Variants in PARD3 observed in about 807,000 individuals in gnomAD.
PARD3 encodes the protein partitioning defective 3 homolog.
Under a neutral mutation model 155.4 loss-of-function variants are expected in PARD3, and 75 were observed. The observed-to-expected ratio is 0.48, with a 90% confidence interval of 0.40 to 0.58. PARD3 has a LOEUF of 0.58. PARD3 is among the 20% of genes least tolerant of loss of function. PARD3 has a pLI of 0.00. For synonymous variants in PARD3, 576 were observed against 610.5 expected (o/e 0.94, Z 0.83); for missense variants, 1,642 against 1,721.7 (o/e 0.95, Z 0.82).
intron 1 of PARD3, among the ~76,000 whole-genome samples, chr10:34,806,865 G>C (rs570025997): frequency 6.6e-6 from 1 of 152,292 alleles, no homozygotes; most frequent in East Asian, 1.9e-4. Flanking sequence ...CACAGCTCAG[G>C]GAACTGGCAG....
chr10:34,800,302 T>G (rs1023002036), intron 1 of PARD3, among the ~76,000 whole-genome samples: 1 of 152,158 alleles, frequency 6.6e-6, no homozygotes, highest in African/African-American at 2.4e-5. Flanking sequence ...TGCTTACCAT[T>G]ACTCTTGATA....
chr10:34,511,300 G>T (rs1589827860), intron 3 of PARD3, among the ~76,000 whole-genome samples: 4 of 152,108 alleles, frequency 2.6e-5, no homozygotes, highest in African/African-American at 9.7e-5. Context: ...TTTTCATCAG[G>T]AGGCATACAA....
At position 34,284,167 on chromosome 10, in the gene PARD3, C is replaced by G; in HGVS notation, c.3144G>C (p.Glu1048Asp). Residue 1048 changes from glutamate (E) to aspartate (D), a missense_variant, in exon 21 of 25, where the codon GAG becomes GAC. This residue lies in a region of PARD3 where 1,529 missense variants were observed against 1,587.3 expected (regional missense o/e 0.96). Coordinates refer to ENST00000374788, the MANE Select transcript of PARD3 (RefSeq NM_001184785.2). ...GCTCCTGCTTCATTCGTATCCTCTC[C>G]TCTTCTGATGTAAAGGATTCCTGTA... ...IKIQESFTSE[E>D]ERIRMKQEQE... The G allele has an allele frequency of 1.2e-6, 2 of 1,605,986 alleles. No homozygotes were observed. The highest frequency in any genetic ancestry group is 1.7e-6 in the Non-Finnish European group (2 of 1,175,852).
At chr10:34,151,275 T>C (rs1020468183) in intron 22 of PARD3, among the ~76,000 whole-genome samples, 1 of 152,098 alleles carries the variant, frequency 6.6e-6, no homozygotes, top group African/African-American at 2.4e-5. Context: ...CCAAGAAACG[T>C]AGTCTGATTA....
intron 9 of PARD3, 64 bp from the exon 10 acceptor site, chr10:34,378,170 G>A (rs1841443933): frequency 2.5e-6 from 3 of 1,198,416 alleles, no homozygotes; most frequent in South Asian, 2.8e-5. Context: ...CAGGTGTATT[G>A]CACCAGTATA....
At chr10:34,321,922 C>T (rs1958403066) in intron 19 of PARD3, among the ~76,000 whole-genome samples, 1 of 152,142 alleles carries the variant, frequency 6.6e-6, no homozygotes, top group African/African-American at 2.4e-5. Flanking sequence ...ATTTTACAGT[C>T]AAGGTTGACT....
chr10:34,125,180 C>T (rs1392138462), intron 23 of PARD3, among the ~76,000 whole-genome samples: 1 of 151,752 alleles, frequency 6.6e-6, no homozygotes, highest in Non-Finnish European at 1.5e-5. Flanking sequence ...GATTCTCCTG[C>T]CTCAGCCTCC....
chr10:34,608,708 A>T (rs1422627557), intron 2 of PARD3, among the ~76,000 whole-genome samples: 1 of 151,808 alleles, frequency 6.6e-6, no homozygotes, highest in African/African-American at 2.4e-5. Context: ...CTAATTTTGT[A>T]TTTTTAGTAG....
intron 1 of PARD3, among the ~76,000 whole-genome samples, chr10:34,715,659 G>A (rs1373313596): frequency 6.6e-6 from 1 of 152,172 alleles, no homozygotes; most frequent in Admixed American, 6.5e-5. Context: ...TCTTGAAGAT[G>A]TGCATGTTTT....
chr10:34,408,325 T>C (rs1173776376), intron 5 of PARD3, among the ~76,000 whole-genome samples: 1 of 152,150 alleles, frequency 6.6e-6, no homozygotes. Flanking sequence ...AGTTCAAATA[T>C]ATTGCTAAAA....
Position 34,111,102 on chromosome 10 carries a change from C to A in PARD3, c.*67G>T. 1 of 1,494,670 alleles carries A rather than the reference C, an allele frequency of 6.7e-7. No individual in the cohort carries two copies. The highest frequency in any genetic ancestry group is 1.4e-5 in the South Asian group (1 of 70,658). 92.6% of individuals were successfully genotyped at this position (1,494,670 alleles called of 1,614,324 possible). A position where few individuals can be genotyped will look rare whatever the true frequency, so the allele number is the denominator to read the frequency against. On this transcript the variant is annotated 3_prime_UTR_variant, in exon 25 of 25. Transcript: ENST00000374788. Reference sequence around the variant, plus strand: ...ACCATCGAGGTTTTAAAAAAACTCCCAAAATACAAGTCTTCATAGGAAAAT... The same window carrying A: ...ACCATCGAGGTTTTAAAAAAACTCCAAAAATACAAGTCTTCATAGGAAAAT...
intron 2 of PARD3, among the ~76,000 whole-genome samples, chr10:34,549,505 GTTTT>G (rs1339174124): frequency 1.2e-4 from 18 of 152,190 alleles, no homozygotes; most frequent in Non-Finnish European, 2.1e-4. Context: ...TTGTTTGTTT[GTTTT>G]GGCTGCTGAT....
intron 3 of PARD3, among the ~76,000 whole-genome samples, chr10:34,509,366 T>C (rs1169359914): frequency 6.6e-6 from 1 of 152,156 alleles, no homozygotes; most frequent in Non-Finnish European, 1.5e-5. Flanking sequence ...CAAGGTGTAA[T>C]GTGGTTTCTT....
chr10:34,761,686 T>A (rs2134019654), intron 1 of PARD3, among the ~76,000 whole-genome samples: 1 of 152,282 alleles, frequency 6.6e-6, no homozygotes, highest in African/African-American at 2.4e-5. Flanking sequence ...CCCTGGAGAA[T>A]CAATGTTAAG....
chr10:34,547,507 A>G (rs958078511), intron 2 of PARD3, among the ~76,000 whole-genome samples: 1 of 152,220 alleles, frequency 6.6e-6, no homozygotes, highest in Non-Finnish European at 1.5e-5. Flanking sequence ...GAACTCGTCG[A>G]GATTTATTAC....
intron 7 of PARD3, among the ~76,000 whole-genome samples, chr10:34,396,467 T>C (rs1696940891): frequency 6.6e-6 from 1 of 152,218 alleles, no homozygotes; most frequent in Admixed American, 6.5e-5. Flanking sequence ...CTTACATTAC[T>C]ATTTTCCTTA....
Position 34,111,187 on chromosome 10 carries a change from C to T in PARD3, c.4044G>A (p.Gly1348=). 1 of 1,557,512 alleles carries T rather than the reference C, an allele frequency of 6.4e-7. No individual in the cohort carries two copies. The highest frequency in any genetic ancestry group is 8.7e-7 in the Non-Finnish European group (1 of 1,149,096). ...RLNRLQTPEK[G]RPFYS is the part of the protein sequence containing the mutation. Reference sequence around the variant, plus strand: ...TGCGTGCTCAGGAATAGAAGGGCCTCCCTTTCTCAGGAGTCTGAAGTCTGT... The same window carrying T: ...TGCGTGCTCAGGAATAGAAGGGCCTTCCTTTCTCAGGAGTCTGAAGTCTGT... The change falls in exon 25 of 25, where the codon GGG becomes GGA. Residue 1348 remains glycine, a synonymous_variant. Transcript: ENST00000374788.
At chr10:34,760,193 AGC>A (rs539906730) in intron 1 of PARD3, among the ~76,000 whole-genome samples, 3,604 of 22,620 alleles carry the variant, frequency 0.16, 148 homozygotes, top group African/African-American at 0.28. Flanking sequence ...TGTGGGGGAC[AGC>A]GCAGCGGTGT....
intron 2 of PARD3, among the ~76,000 whole-genome samples, chr10:34,556,409 G>A (rs1471860345): frequency 6.8e-6 from 1 of 147,290 alleles, no homozygotes; most frequent in Non-Finnish European, 1.5e-5. Flanking sequence ...TTGAGACAGA[G>A]TCTTGCTCTG....
Sources: allele counts gnomAD v4.1 joint callset (sites outside exome capture counted in the v4.1 genomes callset), GRCh38; gene constraint gnomAD v4.1.1; regional missense constraint gnomAD v4.1.1; transcripts MANE v1.5; gene names NCBI Gene and HGNC (gene_info 2026-07-23, HGNC 2026-07-21).